ZNF689: variants seen among roughly 807,000 people sequenced by gnomAD.
ZNF689 encodes zinc finger protein 689, also known as short ORF-encoded histone-binding protein.
Under a neutral mutation model 37.2 loss-of-function variants are expected in ZNF689, and 14 were observed. The ratio of observed to expected loss-of-function variants is 0.38; its 90% CI spans 0.25 to 0.59. ZNF689 has a LOEUF of 0.59. Among genes scored for constraint, ZNF689 ranks in the 20% least tolerant of loss-of-function variants. The probability of loss-of-function intolerance (pLI) is 0.68; values close to 1 mark genes in which losing one functional copy is unlikely to be tolerated. For missense variants in ZNF689, 573 were observed against 700.2 expected, an observed-to-expected ratio of 0.82 and a Z score of 2.05; for synonymous variants, 277 against 283.3, an observed-to-expected ratio of 0.98 and a Z score of 0.22.
Position 30,610,106 on chromosome 16 carries a change from C to A in ZNF689, c.-65G>T. 13 of 1,510,584 alleles carry A rather than the reference C, an allele frequency of 8.6e-6. No individual in the cohort carries two copies. Among genetic ancestry groups the A allele is most frequent in the Non-Finnish European group, 1.2e-5 (13 of 1,128,802 alleles). 93.6% of individuals were successfully genotyped at this position (1,510,584 alleles called of 1,614,324 possible). ...GCCTCGGCCCTCGGGCGCTGGCGGCCCCTGGGATCGAGGAGCCCCTGCCGG... is the reference window on the plus strand; with the variant it reads ...GCCTCGGCCCTCGGGCGCTGGCGGCACCTGGGATCGAGGAGCCCCTGCCGG... On this transcript the variant is annotated 5_prime_UTR_variant, in exon 1 of 3. Coordinates refer to ENST00000287461, the MANE Select transcript of ZNF689 (RefSeq NM_138447.3).
rs371972092 is a variant in ZNF689 at position 30,609,864 on chromosome 16, C to T, written c.178G>A (p.Glu60Lys). 1.9e-6 allele frequency: 3 copies of T among 1,609,758 alleles called. No homozygotes were observed. The highest frequency in any genetic ancestry group is 2.5e-6 in the Non-Finnish European group (3 of 1,178,730). The change falls in exon 1 of 3, where the codon GAG (glutamate) becomes AAG (lysine). Residue 60 changes from glutamate to lysine, a missense_variant. Glu to Lys is a moderately conservative substitution (Grantham distance 56, BLOSUM62 1). Transcript: ENST00000287461. ...AGCGCGCCCAGGTGACCGTAGGTCT[C>T]CCGCATCACGTCCCGGTACAGGGCC... ...QRALYRDVMRETYGHLGALGC... is the reference protein window; with the variant it reads ...QRALYRDVMRKTYGHLGALGC...
intron 2 of ZNF689, among the ~76,000 whole-genome samples, chr16:30,607,186 T>G (rs538059598): frequency 7.0e-6 from 1 of 142,002 alleles, no homozygotes; most frequent in East Asian, 2.0e-4. Flanking sequence ...GAGGCGGAGG[T>G]TGCAGTGAGC....
At chr16:30,606,228 A>G (rs2052034916) in intron 2 of ZNF689, among the ~76,000 whole-genome samples, 1 of 152,152 alleles carries the variant, frequency 6.6e-6, no homozygotes, top group Non-Finnish European at 1.5e-5. Context: ...ACTTGAGCCC[A>G]GGAGTTCAAG....
At chr16:30,609,376 C>T in intron 2 of ZNF689, 149 bp downstream of exon 2, 2 of 632,856 alleles carry the variant, frequency 3.2e-6, no homozygotes. Context: ...GGTGGACCGG[C>T]CCCACACCAC....
chr16:30,604,582 G>C lies in ZNF689; in HGVS notation c.1185C>G (p.His395Gln). 6.3e-7 allele frequency: 1 copy of C among 1,591,230 alleles called. No individual in the cohort carries two copies. Among genetic ancestry groups the C allele is most frequent in the Non-Finnish European group, 8.6e-7 (1 of 1,169,242 alleles). Residue 395 changes from histidine (H) to glutamine (Q), a missense_variant, in exon 3 of 3, where the codon CAC becomes CAG. Around this residue, in one of 3 missense-constraint regions of ZNF689, gnomAD observed 317 missense variants for 367.1 expected, o/e 0.86. Coordinates refer to ENST00000287461, the MANE Select transcript of ZNF689 (RefSeq NM_138447.3). The surrounding 1 kb of genome is among the most constrained non-coding windows in gnomAD (Gnocchi z 5.2). Reference sequence around the variant, plus strand: ...CGCAGGCGTGCAGCTTCTCCTCTGTGTGCGTGCTGCGATGGATGGCCAGGG... The same window carrying C: ...CGCAGGCGTGCAGCTTCTCCTCTGTCTGCGTGCTGCGATGGATGGCCAGGG... ...SGSLAIHRSTHTEEKLHACDD... is the reference protein window; with the variant it reads ...SGSLAIHRSTQTEEKLHACDD...
At chr16:30,606,341 G>T (rs1369535826) in intron 2 of ZNF689, among the ~76,000 whole-genome samples, 1 of 152,146 alleles carries the variant, frequency 6.6e-6, no homozygotes, top group Non-Finnish European at 1.5e-5. Context: ...AAGGAATACA[G>T]AGAAGTCTTG....
rs201954749 is a variant in ZNF689, at chr16:30,609,505, C to A, written c.319+20G>T. 48 of 1,607,822 alleles carry A rather than the reference C, an allele frequency of 3.0e-5. No homozygotes were observed. The East Asian group carries it at 1.0e-3, about 35-fold the overall frequency. ...CGTTATAGGAGGGCTGCAGGCTCTGCGTGGTTATTTAGCACTCACTTCTCT... is the reference window on the plus strand; with the variant it reads ...CGTTATAGGAGGGCTGCAGGCTCTGAGTGGTTATTTAGCACTCACTTCTCT... On this transcript the variant is annotated intron_variant, in intron 2 of 2. Coordinates refer to ENST00000287461, the MANE Select transcript of ZNF689 (RefSeq NM_138447.3).
chr16:30,609,357 T>A, intron 2 of ZNF689, 168 bp downstream of exon 2: 1 of 423,928 alleles, frequency 2.4e-6, no homozygotes, highest in Non-Finnish European at 4.4e-6. Flanking sequence ...GACATAGGAA[T>A]CTCTGTGTGG....
In ZNF689 at chr16:30,610,150, C is replaced by A; in HGVS notation, c.-109G>T. On this transcript the variant is annotated 5_prime_UTR_variant, in exon 1 of 3. Coordinates refer to ENST00000287461, the MANE Select transcript of ZNF689 (RefSeq NM_138447.3). ...CTGCCGGACCAGGGCTGAGCGTGGC[C>A]GGGGAGGCCCGGAGGGAATCGGAAT... is the stretch of plus-strand genomic sequence containing the variant. The A allele has an allele frequency of 7.6e-7, 1 of 1,312,356 alleles. No individual in the cohort carries two copies. Among genetic ancestry groups the A allele is most frequent in the Non-Finnish European group, 1.0e-6 (1 of 982,366 alleles). 81.3% of individuals were successfully genotyped at this position (1,312,356 alleles called of 1,614,324 possible).
Position 30,604,424 on chromosome 16 carries a change from T to C in ZNF689, c.1343A>G (p.Gln448Arg). Reference sequence around the variant, plus strand: ...AGGCTTCTCCCCCGTGTGCAGCAGCTGGTGCTGGGCCAGGTGGCTCCACTG... The same window carrying C: ...AGGCTTCTCCCCCGTGTGCAGCAGCCGGTGCTGGGCCAGGTGGCTCCACTG... ...FAQWSHLAQH[Q>R]LLHTGEKPFP... Residue 448 changes from glutamine (Q) to arginine (R), a missense_variant, in exon 3 of 3, where the codon CAG (glutamine) becomes CGG (arginine). By Grantham distance (43) the Gln-to-Arg change is conservative. Transcript: ENST00000287461. The surrounding 1 kb of genome is among the most constrained non-coding windows in gnomAD (Gnocchi z 5.2). 6.2e-7 allele frequency: 1 copy of C among 1,613,510 alleles called. No individual in the cohort carries two copies. Among genetic ancestry groups the C allele is most frequent in the Non-Finnish European group, 8.5e-7 (1 of 1,179,862 alleles).
Position 30,604,996 on chromosome 16 carries a change from A to G in ZNF689, c.771T>C (p.Gly257=), listed in dbSNP as rs34007971. The change falls in exon 3 of 3, where the codon GGT becomes GGC. Residue 257 remains glycine, a synonymous_variant. Coordinates refer to ENST00000287461, the MANE Select transcript of ZNF689 (RefSeq NM_138447.3). The surrounding 1 kb of genome is among the most constrained non-coding windows in gnomAD (Gnocchi z 5.2). The stretch of plus-strand genomic sequence containing the variant: ...AGCTAGGGCACTGGTGGGGTTTTTC[A>G]CCTGTGTGTGTGGTCCGGTGATTGG... ...SLANHRTTHT[G]EKPHQCPSCG... is the part of the protein sequence containing the mutation. 0.015 allele frequency: 23,275 copies of G among 1,598,870 alleles called. 2,187 individuals are homozygous for G. The African/African-American group carries it at 0.24, about 17-fold the overall frequency.
intron 2 of ZNF689, among the ~76,000 whole-genome samples, chr16:30,609,267 CAAAAAAAAAA>C (rs77079521): frequency 4.9e-5 from 3 of 60,726 alleles, no homozygotes; most frequent in Non-Finnish European, 6.5e-5. Flanking sequence ...AATGTTTCTA[CAAAAAAAAAA>C]AAAAAAAAAA....
chr16:30,610,185 G>A lies in ZNF689; in HGVS notation c.-144C>T. 3 of 1,002,916 alleles carry A rather than the reference G, an allele frequency of 3.0e-6. No homozygotes were observed. The highest frequency in any genetic ancestry group is 2.9e-5 in the Admixed American group (1 of 34,318). 62.1% of individuals were successfully genotyped at this position (1,002,916 alleles called of 1,614,324 possible). A position where few individuals can be genotyped will look rare whatever the true frequency, so the allele number is the denominator to read the frequency against. ...CGGAGGGAATCGGAATTGGTCGCCC[G>A]CGGGGCTAACGGAAACCTTTTGCTG... is the stretch of plus-strand genomic sequence containing the variant. On this transcript the variant is annotated 5_prime_UTR_variant, in exon 1 of 3. Transcript: ENST00000287461.
rs922541001 is a variant in ZNF689, at chr16:30,604,408, C to T, written c.1359G>A (p.Gly453=). 6 of 1,613,498 alleles carry T rather than the reference C, an allele frequency of 3.7e-6. No homozygotes were observed. Among genetic ancestry groups the T allele is most frequent in the Middle Eastern group, 3.3e-4 (2 of 6,084 alleles). The stretch of plus-strand genomic sequence containing the variant: ...ACTCGAGGCAGGGGAAAGGCTTCTC[C>T]CCCGTGTGCAGCAGCTGGTGCTGGG... ...HLAQHQLLHT[G]EKPFPCLECG... is the part of the protein sequence containing the mutation. The change falls in exon 3 of 3, where the codon GGG becomes GGA. Residue 453 remains glycine, a synonymous_variant. Transcript: ENST00000287461. This position sits in a 1 kb window ranked among gnomAD's most constrained non-coding sequence, Gnocchi z 5.2.
rs556799590 is a variant in ZNF689, at chr16:30,607,978, G to C, written c.319+1547C>G. On this transcript the variant is annotated intron_variant, in intron 2 of 2. Transcript: ENST00000287461. ...CTCCGTCTCACACACACACAAAAGA[G>C]TGTAAGGCAAGATATGGAAACCTAT... Among the ~76,000 whole-genome samples the C allele has an allele frequency of 3.5e-3, 526 of 152,298 alleles. 3 individuals are homozygous for C. The highest frequency in any genetic ancestry group is 5.8e-3 in the Non-Finnish European group (392 of 68,024).
At position 30,604,151 on chromosome 16, in the gene ZNF689, G is replaced by T; in HGVS notation, c.*113C>A. On this transcript the variant is annotated 3_prime_UTR_variant, in exon 3 of 3. Transcript: ENST00000287461. This position sits in a 1 kb window ranked among gnomAD's most constrained non-coding sequence, Gnocchi z 5.2. ...TGCAAGATACAAAGTTCAGCTCTGTGCAGCAGGAGACCCGGGTTTAGTTCT... is the reference window on the plus strand; with the variant it reads ...TGCAAGATACAAAGTTCAGCTCTGTTCAGCAGGAGACCCGGGTTTAGTTCT... The T allele has an allele frequency of 1.7e-6, 2 of 1,147,004 alleles. No homozygotes were observed. The highest frequency in any genetic ancestry group is 2.6e-6 in the Non-Finnish European group (2 of 776,722). 71.1% of individuals were successfully genotyped at this position (1,147,004 alleles called of 1,614,324 possible). A position where few individuals can be genotyped will look rare whatever the true frequency, so the allele number is the denominator to read the frequency against.
In ZNF689 at chr16:30,604,911, C is replaced by G. The variant is rs1286561061; in HGVS notation, c.856G>C (p.Glu286Gln). The G allele has an allele frequency of 5.1e-6, 8 of 1,575,272 alleles. No homozygotes were observed. The highest frequency in any genetic ancestry group is 6.9e-6 in the Non-Finnish European group (8 of 1,160,354). ...LAIHQRTHTG[E>Q]KPYTCLECNR... is the part of the protein sequence containing the mutation. Reference sequence around the variant, plus strand: ...CACTCGAGGCAAGTGTAGGGCTTCTCTCCCGTGTGTGTACGCTGGTGGATG... The same window carrying G: ...CACTCGAGGCAAGTGTAGGGCTTCTGTCCCGTGTGTGTACGCTGGTGGATG... Residue 286 changes from glutamate (E) to glutamine (Q), a missense_variant, in exon 3 of 3, where the codon GAG becomes CAG. By Grantham distance (29) the Glu-to-Gln change is conservative (BLOSUM62 2). Transcript: ENST00000287461. The surrounding 1 kb of genome is among the most constrained non-coding windows in gnomAD (Gnocchi z 5.2).
chr16:30,602,934 CGCT>C lies in ZNF689; in HGVS notation c.*1327_*1329del, dbSNP rs1191540890. ...CATGGAGGTGGATCAGATTGAGCCACGCTGCTGCCACCTCTGTGGAGGGAGGCT... is the reference window on the plus strand; with the variant it reads ...CATGGAGGTGGATCAGATTGAGCCACGCTGCCACCTCTGTGGAGGGAGGCT... On this transcript the variant is annotated 3_prime_UTR_variant, in exon 3 of 3. Coordinates refer to ENST00000287461, the MANE Select transcript of ZNF689 (RefSeq NM_138447.3). 4 of 152,236 alleles carry C rather than the reference CGCT, an allele frequency of 2.6e-5. No individual in the cohort carries two copies. Among genetic ancestry groups the C allele is most frequent in the Non-Finnish European group, 4.4e-5 (3 of 68,060 alleles). The allele number at this position is 152,236 out of a possible 1,614,324, so 9.4% of individuals were successfully genotyped here. A position where few individuals can be genotyped will look rare whatever the true frequency, so the allele number is the denominator to read the frequency against.
In ZNF689 at chr16:30,604,542, G is replaced by A. The variant is rs765048971; in HGVS notation, c.1225C>T (p.Arg409Cys). 7 of 1,591,092 alleles carry A rather than the reference G, an allele frequency of 4.4e-6. No homozygotes were observed. Among genetic ancestry groups the A allele is most frequent in the African/African-American group, 2.7e-5 (2 of 74,466 alleles). Reference sequence around the variant, plus strand: ...GCCAGCAGTGAGGGGTAGGCAAAGCGGCGACCACAGTCGTCGCAGGCGTGC... The same window carrying A: ...GCCAGCAGTGAGGGGTAGGCAAAGCAGCGACCACAGTCGTCGCAGGCGTGC... Reference protein sequence around the residue: ...KLHACDDCGRRFAYPSLLASH... With the variant: ...KLHACDDCGRCFAYPSLLASH... Residue 409 changes from arginine to cysteine, a missense_variant, in exon 3 of 3, where the codon CGC becomes TGC. Arg to Cys is a radical substitution (Grantham distance 180). Around this residue, in one of 3 missense-constraint regions of ZNF689, gnomAD observed 317 missense variants for 367.1 expected, o/e 0.86. Coordinates refer to ENST00000287461, the MANE Select transcript of ZNF689 (RefSeq NM_138447.3). The surrounding 1 kb of genome is among the most constrained non-coding windows in gnomAD (Gnocchi z 5.2).
Sources: allele counts gnomAD v4.1 joint callset (sites outside exome capture counted in the v4.1 genomes callset), GRCh38; gene constraint gnomAD v4.1.1; regional missense constraint gnomAD v4.1.1; non-coding constraint Gnocchi (gnomAD v3.1); transcripts MANE v1.5; gene names NCBI Gene and HGNC (gene_info 2026-07-23, HGNC 2026-07-21).